The following ANKRD6 variants were observed in gnomAD, a reference collection of about 807,000 sequenced individuals.
The protein encoded by ANKRD6 is ankyrin repeat domain 6.
In ANKRD6, 56 loss-of-function variants were observed where a neutral mutation model predicts 82.3. The observed-to-expected ratio is 0.68, with a 90% confidence interval of 0.55 to 0.85. The LOEUF (loss-of-function observed/expected upper bound fraction) is 0.85. ANKRD6 is among the 40% of genes least tolerant of loss of function. The probability of loss-of-function intolerance (pLI) is 0.00; values close to 1 mark genes in which losing one functional copy is unlikely to be tolerated. For missense variants in ANKRD6, 852 were observed against 907.6 expected (o/e 0.94, Z 0.79); for synonymous variants, 347 against 352.1 (o/e 0.99, Z 0.16).
intron 5 of ANKRD6, among the ~76,000 whole-genome samples, chr6:89,607,292 T>TA (rs1798936029): frequency 6.6e-6 from 1 of 151,326 alleles, no homozygotes; most frequent in African/African-American, 2.4e-5. Flanking sequence ...ATAAAACCAG[T>TA]AAAATTTTAC....
intron 4 of ANKRD6, among the ~76,000 whole-genome samples, chr6:89,605,442 A>G (rs1035413220): frequency 6.6e-6 from 1 of 152,224 alleles, no homozygotes; most frequent in Non-Finnish European, 1.5e-5. Context: ...CTGTTTCCTC[A>G]GTCCCTGTTC....
intron 1 of ANKRD6, among the ~76,000 whole-genome samples, chr6:89,502,872 G>T (rs1162411074): frequency 6.6e-6 from 1 of 152,178 alleles, no homozygotes; most frequent in Non-Finnish European, 1.5e-5. Context: ...CCACCAAGGG[G>T]ACTGGGGTGT....
At chr6:89,444,047 A>G (rs957431522) in intron 1 of ANKRD6, among the ~76,000 whole-genome samples, 7 of 152,370 alleles carry the variant, frequency 4.6e-5, no homozygotes, top group Non-Finnish European at 1.0e-4. Flanking sequence ...AATTAAAGTT[A>G]AAATGAGCAC....
At chr6:89,513,970 T>C (rs1475687335) in intron 1 of ANKRD6, among the ~76,000 whole-genome samples, 1 of 152,258 alleles carries the variant, frequency 6.6e-6, no homozygotes. Context: ...CACATTCCAA[T>C]GACTTAAGTA....
intron 1 of ANKRD6, among the ~76,000 whole-genome samples, chr6:89,553,324 T>C (rs931842395): frequency 5.3e-5 from 8 of 152,098 alleles, no homozygotes; most frequent in Admixed American, 6.6e-5. Context: ...CTGGGAGAGA[T>C]TGAGCGTGTG....
intron 2 of ANKRD6, among the ~76,000 whole-genome samples, chr6:89,592,770 G>A (rs1489391471): frequency 6.6e-6 from 1 of 152,082 alleles, no homozygotes; most frequent in Non-Finnish European, 1.5e-5. Context: ...CCCAAGCACA[G>A]CAGGAGGATC....
intron 1 of ANKRD6, among the ~76,000 whole-genome samples, chr6:89,443,084 C>A (rs548473923): frequency 6.6e-6 from 1 of 152,214 alleles, no homozygotes; most frequent in Non-Finnish European, 1.5e-5. Context: ...TCATGTGATA[C>A]TAGAGTCAGA....
rs1807613780 is a variant in ANKRD6 at position 89,632,544 on chromosome 6, G to A, written c.*1540G>A. ...TGATCCTCCTGCCTCAACCTCGCAA[G>A]TAGCTTGGGACTACAGGCGTGTGCC... On this transcript the variant is annotated 3_prime_UTR_variant, in exon 16 of 16. Coordinates refer to ENST00000339746, the MANE Select transcript of ANKRD6 (RefSeq NM_001242809.2). 1 of 152,134 alleles carries A rather than the reference G, an allele frequency of 6.6e-6. No individual in the cohort carries two copies. The highest frequency in any genetic ancestry group is 2.4e-5 in the African/African-American group (1 of 41,406). 9.4% of individuals were successfully genotyped at this position (152,134 alleles called of 1,614,324 possible). A position where few individuals can be genotyped will look rare whatever the true frequency, so the allele number is the denominator to read the frequency against.
At chr6:89,471,245 G>A (rs1305396177) in intron 1 of ANKRD6, among the ~76,000 whole-genome samples, 1 of 151,666 alleles carries the variant, frequency 6.6e-6, no homozygotes. Flanking sequence ...CCAGCTACTC[G>A]GGAGGCTGAG....
chr6:89,586,740 C>T (rs1003182941), intron 2 of ANKRD6, among the ~76,000 whole-genome samples: 14 of 152,004 alleles, frequency 9.2e-5, no homozygotes, highest in African/African-American at 3.4e-4. Flanking sequence ...AGTGTGTGGG[C>T]CATTAACTGA....
chr6:89,609,230 T>A (rs1799572777), intron 5 of ANKRD6, among the ~76,000 whole-genome samples: 1 of 152,160 alleles, frequency 6.6e-6, no homozygotes, highest in Non-Finnish European at 1.5e-5. Flanking sequence ...GGCTCACAGC[T>A]CAGGAGGTGG....
chr6:89,506,252 G>A (rs151143704), intron 1 of ANKRD6, among the ~76,000 whole-genome samples: 15 of 152,276 alleles, frequency 9.9e-5, no homozygotes, highest in Admixed American at 3.9e-4. Context: ...TAATTAACCC[G>A]ATTGTGGTAC....
At chr6:89,519,478 A>G (rs1284617755) in intron 1 of ANKRD6, among the ~76,000 whole-genome samples, 2 of 152,222 alleles carry the variant, frequency 1.3e-5, no homozygotes, top group Non-Finnish European at 2.9e-5. Flanking sequence ...ATCGATTCCA[A>G]GTTTTTTGAC....
intron 1 of ANKRD6, among the ~76,000 whole-genome samples, chr6:89,495,913 C>T (rs57274396): frequency 6.6e-6 from 1 of 152,074 alleles, no homozygotes; most frequent in Non-Finnish European, 1.5e-5. Flanking sequence ...CAGAAAGTTT[C>T]TGACTTGCGC....
At chr6:89,440,331 A>G (rs1370642065) in intron 1 of ANKRD6, among the ~76,000 whole-genome samples, 2 of 152,236 alleles carry the variant, frequency 1.3e-5, no homozygotes, top group African/African-American at 4.8e-5. Flanking sequence ...GTAGGAAGGC[A>G]AATACATGGG....
intron 1 of ANKRD6, among the ~76,000 whole-genome samples, chr6:89,528,301 A>G (rs1324719253): frequency 6.6e-6 from 1 of 152,186 alleles, no homozygotes; most frequent in Non-Finnish European, 1.5e-5. Context: ...ACTATTCTAA[A>G]TTTTTTGTTG....
rs546311058 is a variant in ANKRD6 at position 89,599,145 on chromosome 6, G to A, written c.219+3131G>A. On this transcript the variant is annotated intron_variant, in intron 3 of 15. Coordinates refer to ENST00000339746, the MANE Select transcript of ANKRD6 (RefSeq NM_001242809.2). Reference sequence around the variant, plus strand: ...CCCAGTGCTTTGCGTGGCTATGGAGGAAGGATTGCTTGAACCCAGGAGTTG... The same window carrying A: ...CCCAGTGCTTTGCGTGGCTATGGAGAAAGGATTGCTTGAACCCAGGAGTTG... Among the ~76,000 whole-genome samples, 9 of 152,280 alleles carry A rather than the reference G, an allele frequency of 5.9e-5. No homozygotes were observed. In the South Asian group the frequency reaches 1.9e-3, roughly 32 times the overall value.
chr6:89,602,769 C>T, intron 3 of ANKRD6: 2 of 459,094 alleles, frequency 4.4e-6, no homozygotes, highest in Non-Finnish European at 8.0e-6. Context: ...TTGAGGTTGG[C>T]TCTGTGGCCG....
chr6:89,547,246 G>A (rs1785219253), intron 1 of ANKRD6, among the ~76,000 whole-genome samples: 1 of 152,178 alleles, frequency 6.6e-6, no homozygotes, highest in South Asian at 2.1e-4. Context: ...GGCAGATGTA[G>A]GGGGCAGTGG....
Sources: gnomAD v4.1 joint callset for allele counts (sites outside exome capture counted in the v4.1 genomes callset) on GRCh38, gnomAD v4.1.1 for gene constraint, MANE v1.5 for transcripts, NCBI Gene and HGNC (gene_info 2026-07-23, HGNC 2026-07-21) for gene names.